Variants in ATP11A observed in about 807,000 individuals in gnomAD.
ATP11A encodes the protein ATPase phospholipid transporting 11A, also known as phospholipid-transporting ATPase IH.
A neutral mutation model predicts 154.4 loss-of-function variants in ATP11A; 81 were observed. That is an observed-to-expected ratio of 0.52 (90% CI 0.44 to 0.63). The LOEUF is 0.63. Among genes scored for constraint, ATP11A ranks in the 30% least tolerant of loss-of-function variants. The pLI is 0.00. For missense variants in ATP11A, 1,316 were observed against 1,474.3 expected, an observed-to-expected ratio of 0.89 and a Z score of 1.76; for synonymous variants, 623 against 585.9, an observed-to-expected ratio of 1.06 and a Z score of -0.91.
intron 1 of ATP11A, among the ~76,000 whole-genome samples, chr13:112,711,496 C>G (rs1232717887): frequency 6.6e-6 from 1 of 151,818 alleles, no homozygotes; most frequent in Non-Finnish European, 1.5e-5. Context: ...AACCTGAGAT[C>G]CAATTTTAAA....
At chr13:112,759,910 CACTT>C (rs906244341) in intron 1 of ATP11A, among the ~76,000 whole-genome samples, 1 of 152,140 alleles carries the variant, frequency 6.6e-6, no homozygotes, top group Admixed American at 6.5e-5. Flanking sequence ...AGTTGCTTTT[CACTT>C]AAAAAGTGCA....
At position 112,792,273 on chromosome 13, in the gene ATP11A, G is replaced by A. The variant is rs189161024; in HGVS notation, c.162+7016G>A. Reference sequence around the variant, plus strand: ...CCAGGTAAACCAAAGTGGAATTCTCGAGCCTGGAATTGATGACTCATAATT... The same window carrying A: ...CCAGGTAAACCAAAGTGGAATTCTCAAGCCTGGAATTGATGACTCATAATT... On this transcript the variant is annotated intron_variant, in intron 2 of 29. Coordinates refer to ENST00000375645, the MANE Select transcript of ATP11A (RefSeq NM_015205.3). Among the ~76,000 whole-genome samples the A allele has an allele frequency of 2.2e-3, 333 of 152,178 alleles. 1 individual carries two copies. Among genetic ancestry groups the A allele is most frequent in the Non-Finnish European group, 3.8e-3 (260 of 68,020 alleles).
intron 9 of ATP11A, 69 bp downstream of exon 9, chr13:112,823,478 C>A: frequency 3.0e-6 from 4 of 1,314,854 alleles, no homozygotes; most frequent in East Asian, 2.4e-5. Context: ...AGTTAAAACC[C>A]GCAGCGGAAC....
chr13:112,725,565 A>G (rs994740458), intron 1 of ATP11A, among the ~76,000 whole-genome samples: 2 of 152,292 alleles, frequency 1.3e-5, no homozygotes, highest in Admixed American at 6.5e-5. Context: ...TGTGTGCTCT[A>G]TGTGCTTAAT....
Position 112,883,321 on chromosome 13 carries a change from G to A in ATP11A, c.*1455G>A. The A allele has an allele frequency of 5.0e-6, 2 of 397,960 alleles. No homozygotes were observed. The highest frequency in any genetic ancestry group is 8.8e-6 in the Non-Finnish European group (2 of 226,012). The allele number at this position is 397,960 out of a possible 1,614,324, so 24.7% of individuals were successfully genotyped here. ...ATTTCTAGAAATAATATTTGACATA[G>A]CCTTAATGGTCCTTAAAGAAGACAT... On this transcript the variant is annotated 3_prime_UTR_variant, in exon 30 of 30. Transcript: ENST00000375645.
intron 1 of ATP11A, among the ~76,000 whole-genome samples, chr13:112,720,117 CCTGT>C (rs773344269): frequency 1.1e-4 from 17 of 152,286 alleles, no homozygotes; most frequent in East Asian, 3.9e-4. Flanking sequence ...TTATTCTGAG[CCTGT>C]CTAAGTGACT....
At chr13:112,855,668 G>A (rs968107483) in intron 19 of ATP11A, among the ~76,000 whole-genome samples, 2 of 152,160 alleles carry the variant, frequency 1.3e-5, no homozygotes, top group African/African-American at 2.4e-5. Flanking sequence ...GGGACTTAAC[G>A]AGTCCACAAA....
chr13:112,858,535 A>G (rs1481840496), intron 22 of ATP11A: 3 of 421,006 alleles, frequency 7.1e-6, no homozygotes, highest in Non-Finnish European at 1.3e-5. Context: ...TTGCAGAAAT[A>G]AACAGTTCCT....
chr13:112,699,925 AT>A (rs1467239335), intron 1 of ATP11A, among the ~76,000 whole-genome samples: 1 of 152,006 alleles, frequency 6.6e-6, no homozygotes, highest in East Asian at 1.9e-4. Context: ...TAACCTTGTA[AT>A]TTCATACACT....
chr13:112,800,608 A>G (rs2078107771), intron 2 of ATP11A, among the ~76,000 whole-genome samples: 1 of 152,196 alleles, frequency 6.6e-6, no homozygotes, highest in African/African-American at 2.4e-5. Flanking sequence ...AATCTCTTCC[A>G]GGTAATAGAA....
At chr13:112,853,766 A>G (rs1440475630) in intron 18 of ATP11A, among the ~76,000 whole-genome samples, 2 of 152,208 alleles carry the variant, frequency 1.3e-5, no homozygotes, top group Non-Finnish European at 2.9e-5. Flanking sequence ...TTGGCCATAG[A>G]ATCACTAGTG....
rs550535576 is a variant in ATP11A at position 112,718,807 on chromosome 13, A to G, written c.39+28352A>G. The stretch of plus-strand genomic sequence containing the variant: ...TGCCTCAGCTTCCTGAGTAGCTGGG[A>G]TTACAGTTGCACGCCAACACTCCCA... On this transcript the variant is annotated intron_variant, in intron 1 of 29. Coordinates refer to ENST00000375645, the MANE Select transcript of ATP11A (RefSeq NM_015205.3). Among the ~76,000 whole-genome samples the G allele has an allele frequency of 6.6e-5, 10 of 151,780 alleles. No individual in the cohort carries two copies. In the South Asian group the frequency reaches 2.1e-3, roughly 32 times the overall value.
In ATP11A at chr13:112,718,670, A is replaced by AG. The variant is rs1888787933; in HGVS notation, c.39+28215_39+28216insG. ...GGACCAGGGTGGGCTTGCAGGCTGCACTTTTTTTTTTTTTTTTGAGACTGA... is the reference window on the plus strand; with the variant it reads ...GGACCAGGGTGGGCTTGCAGGCTGCAGCTTTTTTTTTTTTTTTTGAGACTGA... On this transcript the variant is annotated intron_variant, in intron 1 of 29. Coordinates refer to ENST00000375645, the MANE Select transcript of ATP11A (RefSeq NM_015205.3). Among the ~76,000 whole-genome samples the AG allele has an allele frequency of 1.1e-4, 8 of 74,418 alleles. No homozygotes were observed. In the Middle Eastern group the frequency reaches 0.053, roughly 495 times the overall value. 48.8% of individuals were successfully genotyped at this position (74,418 alleles called of 152,430 possible). A position where few individuals can be genotyped will look rare whatever the true frequency, so the allele number is the denominator to read the frequency against.
In ATP11A at chr13:112,856,012, A is replaced by T. The variant is rs759628154; in HGVS notation, c.2345A>T (p.Glu782Val). Residue 782 changes from glutamate (E) to valine (V), a missense_variant, in exon 20 of 30, where the codon GAG (glutamate) becomes GTG (valine). Physicochemically the swap from Glu to Val is moderately radical, Grantham distance 121. This residue lies in a region of ATP11A where 876 missense variants were observed against 1,006.8 expected (regional missense o/e 0.87). Transcript: ENST00000375645. ...GACGGGAGTTCCGGCAACTACAGGGAGCTCTTCCTGGAAATCTGCCGGAGC... is the reference window on the plus strand; with the variant it reads ...GACGGGAGTTCCGGCAACTACAGGGTGCTCTTCCTGGAAATCTGCCGGAGC... The part of the protein sequence containing the change: ...REDGSSGNYR[E>V]LFLEICRSCS... 27 of 1,614,038 alleles carry T rather than the reference A, an allele frequency of 1.7e-5. No homozygotes were observed. Among genetic ancestry groups the T allele is most frequent in the Non-Finnish European group, 2.3e-5 (27 of 1,180,038 alleles).
chr13:112,826,737 T>C lies in ATP11A; in HGVS notation c.1067T>C (p.Phe356Ser), dbSNP rs1180943695. The change falls in exon 12 of 30, where the codon TTT becomes TCT. Residue 356 changes from phenylalanine (F) to serine (S), a missense_variant. Transcript: ENST00000375645. Reference protein sequence around the residue: ...FTDFLAFMVLFNYIIPVSMYV... With the variant: ...FTDFLAFMVLSNYIIPVSMYV... Reference sequence around the variant, plus strand: ...GACTTCCTGGCCTTCATGGTCCTCTTTAACTACATCATCCCTGTGTCCATG... The same window carrying C: ...GACTTCCTGGCCTTCATGGTCCTCTCTAACTACATCATCCCTGTGTCCATG... 1.2e-6 allele frequency: 2 copies of C among 1,614,114 alleles called. No homozygotes were observed. The highest frequency in any genetic ancestry group is 1.3e-5 in the African/African-American group (1 of 74,942).
chr13:112,840,369 C>A (rs536353980), intron 16 of ATP11A, among the ~76,000 whole-genome samples: 23 of 130,274 alleles, frequency 1.8e-4, no homozygotes, highest in African/African-American at 3.6e-4. Flanking sequence ...TGCCTTCCAG[C>A]CTCAGCCTCC....
chr13:112,781,945 C>T (rs572018237), intron 1 of ATP11A, among the ~76,000 whole-genome samples: 28 of 152,326 alleles, frequency 1.8e-4, no homozygotes, highest in African/African-American at 6.5e-4. Flanking sequence ...AGGTCCTTTC[C>T]TGTTCCAATC....
At position 112,805,055 on chromosome 13, in the gene ATP11A, G is replaced by A. The variant is rs368681049; in HGVS notation, c.252+9G>A. On this transcript the variant is annotated intron_variant, in intron 3 of 29. Transcript: ENST00000375645. ...TCATATTTCTGGTGCAGGTAAGGCCGGTCATTGTTTTCCATCTCATCACAT... is the reference window on the plus strand; with the variant it reads ...TCATATTTCTGGTGCAGGTAAGGCCAGTCATTGTTTTCCATCTCATCACAT... The A allele has an allele frequency of 1.9e-4, 303 of 1,585,406 alleles. 2 individuals carry two copies. In the South Asian group the frequency reaches 2.4e-3, roughly 12 times the overall value.
At chr13:112,765,181 C>T (rs78887843) in intron 1 of ATP11A, among the ~76,000 whole-genome samples, 7,104 of 149,528 alleles carry the variant, frequency 0.048, 601 homozygotes, top group African/African-American at 0.17. Context: ...GAAGCTTCTC[C>T]CCCTGGGTCT....
Sources: gnomAD v4.1 joint callset for allele counts (sites outside exome capture counted in the v4.1 genomes callset) on GRCh38, gnomAD v4.1.1 for gene constraint, gnomAD v4.1.1 regional missense constraint, MANE v1.5 for transcripts, NCBI Gene and HGNC (gene_info 2026-07-23, HGNC 2026-07-21) for gene names.